FBXO40: variants seen among roughly 807,000 people sequenced by gnomAD.
FBXO40 encodes the protein F-box only protein 40.
A neutral mutation model predicts 49.9 loss-of-function variants in FBXO40; 50 were observed. The observed-to-expected ratio is 1.00, with a 90% CI of 0.80 to 1.27. The LOEUF (loss-of-function observed/expected upper bound fraction) is 1.27. FBXO40 is among the 50% of genes most tolerant of loss of function. The probability of loss-of-function intolerance (pLI) is 0.00; values close to 1 mark genes in which losing one functional copy is unlikely to be tolerated. For synonymous variants in FBXO40, 340 were observed against 320.2 expected, an observed-to-expected ratio of 1.06 and a Z score of -0.66; for missense variants, 895 against 870.1, an observed-to-expected ratio of 1.03 and a Z score of -0.36.
chr3:121,626,898 A>C lies in FBXO40; in HGVS notation c.2118A>C (p.Arg706Ser). 6.2e-7 allele frequency: 1 copy of C among 1,614,132 alleles called. No individual in the cohort carries two copies. Among genetic ancestry groups the C allele is most frequent in the South Asian group, 1.1e-5 (1 of 91,072 alleles). Residue 706 changes from arginine to serine, a missense_variant, in exon 4 of 4, where the codon AGA becomes AGC. Coordinates refer to ENST00000338040, the MANE Select transcript of FBXO40 (RefSeq NM_016298.4). Reference sequence around the variant, plus strand: ...CCTTTAGAATCAGACCACGAGGAAGATACGTCTCCTAAAAATTCAGATGCC... The same window carrying C: ...CCTTTAGAATCAGACCACGAGGAAGCTACGTCTCCTAAAAATTCAGATGCC... ...VSTFRIRPRG[R>S]YVS
chr3:121,614,007 G>C (rs921922687), intron 1 of FBXO40, among the ~76,000 whole-genome samples: 2 of 152,046 alleles, frequency 1.3e-5, no homozygotes, highest in African/African-American at 4.8e-5. Context: ...AGTGGCTCAT[G>C]TCTGTAATCC....
intron 3 of FBXO40, among the ~76,000 whole-genome samples, 166 bp downstream of exon 3, chr3:121,623,509 G>A (rs1560133290): frequency 6.6e-6 from 1 of 152,110 alleles, no homozygotes; most frequent in Non-Finnish European, 1.5e-5. Context: ...AAGTAGCTGG[G>A]ACTACAGATG....
rs562642694 is a variant in FBXO40, at chr3:121,610,668, C to T, written c.-30-9878C>T. 3.9e-5 allele frequency among the ~76,000 whole-genome samples: 6 copies of T among 152,184 alleles called. No individual in the cohort carries two copies. The South Asian group carries it at 1.2e-3, about 32-fold the overall frequency. ...GTTGTTTTTTTCCTCAAGACGGAGTCTTACTCTGTTGCCCAGGCTGGGGTG... is the reference window on the plus strand; with the variant it reads ...GTTGTTTTTTTCCTCAAGACGGAGTTTTACTCTGTTGCCCAGGCTGGGGTG... On this transcript the variant is annotated intron_variant, in intron 1 of 3. Transcript: ENST00000338040.
chr3:121,596,791 C>T (rs897653312), intron 1 of FBXO40, among the ~76,000 whole-genome samples: 3 of 152,096 alleles, frequency 2.0e-5, no homozygotes, highest in Non-Finnish European at 4.4e-5. Context: ...AAAAGCAGCC[C>T]CAATTAGCAT....
chr3:121,616,084 C>G (rs1007515854), intron 1 of FBXO40, among the ~76,000 whole-genome samples: 1 of 152,200 alleles, frequency 6.6e-6, no homozygotes, highest in South Asian at 2.1e-4. Context: ...GTCCAACCCT[C>G]TCAGCCACCC....
rs1455678551 is a variant in FBXO40, at chr3:121,628,962, C to T, written c.*2052C>T. The T allele has an allele frequency of 6.6e-6, 1 of 152,192 alleles. No homozygotes were observed. The highest frequency in any genetic ancestry group is 2.4e-5 in the African/African-American group (1 of 41,436). The allele number at this position is 152,192 out of a possible 1,614,324, so 9.4% of individuals were successfully genotyped here. ...CATTTTCCCAGCAGTCCTAGCAGTCCTCAAGCAAGTGGGAAATCGGAAAAG... is the reference window on the plus strand; with the variant it reads ...CATTTTCCCAGCAGTCCTAGCAGTCTTCAAGCAAGTGGGAAATCGGAAAAG... On this transcript the variant is annotated 3_prime_UTR_variant, in exon 4 of 4. Transcript: ENST00000338040.
chr3:121,607,819 A>G (rs995537745), intron 1 of FBXO40, among the ~76,000 whole-genome samples: 8 of 152,196 alleles, frequency 5.3e-5, no homozygotes, highest in Non-Finnish European at 2.9e-5. Flanking sequence ...TATTTTGGGC[A>G]TAGAGCTTTC....
chr3:121,626,619 C>T (rs964427378), intron 3 of FBXO40, 76 bp from the exon 4 acceptor site: 1 of 1,303,442 alleles, frequency 7.7e-7, no homozygotes, highest in Non-Finnish European at 1.1e-6. Context: ...AGGATATTTC[C>T]TTATAGTGCC....
chr3:121,622,133 C>T lies in FBXO40; in HGVS notation c.704C>T (p.Ser235Leu). 6.2e-7 allele frequency: 1 copy of T among 1,614,170 alleles called. No individual in the cohort carries two copies. The highest frequency in any genetic ancestry group is 8.5e-7 in the Non-Finnish European group (1 of 1,180,032). The change falls in exon 3 of 4, where the codon TCA (serine) becomes TTA (leucine). Residue 235 changes from serine to leucine, a missense_variant. Coordinates refer to ENST00000338040, the MANE Select transcript of FBXO40 (RefSeq NM_016298.4). ...GCAGCCTCTGCTTTAACAAATTCATCAGCGAGCTGTGAGAGCAAGAACAAG... is the reference window on the plus strand; with the variant it reads ...GCAGCCTCTGCTTTAACAAATTCATTAGCGAGCTGTGAGAGCAAGAACAAG... ...EHAASALTNSSASCESKNKND... is the reference protein window; with the variant it reads ...EHAASALTNSLASCESKNKND...
intron 1 of FBXO40, among the ~76,000 whole-genome samples, chr3:121,604,974 A>AT (rs1553838921): frequency 2.9e-4 from 38 of 133,022 alleles, no homozygotes; most frequent in African/African-American, 1.0e-3. Context: ...TTATTTATTT[A>AT]TTATTTATTT....
intron 1 of FBXO40, among the ~76,000 whole-genome samples, chr3:121,614,310 T>C (rs1576453483): frequency 7.0e-6 from 1 of 142,952 alleles, no homozygotes. Flanking sequence ...GGCGTGGTGG[T>C]GTGCACCTGT....
At position 121,622,749 on chromosome 3, in the gene FBXO40, T is replaced by G; in HGVS notation, c.1320T>G (p.Ser440=). ...TYNFEPEQFS[S]GTVLADLTAA... is the part of the protein sequence containing the mutation. The stretch of plus-strand genomic sequence containing the variant: ...ACTTTGAGCCAGAACAGTTTTCCTC[T>G]GGGACAGTGCTGGCTGACCTAACCG... The change falls in exon 3 of 4, where the codon TCT becomes TCG. Residue 440 remains serine, a synonymous_variant. Transcript: ENST00000338040. The G allele has an allele frequency of 6.2e-7, 1 of 1,614,216 alleles. No individual in the cohort carries two copies. Among genetic ancestry groups the G allele is most frequent in the Non-Finnish European group, 8.5e-7 (1 of 1,180,040 alleles).
intron 1 of FBXO40, among the ~76,000 whole-genome samples, chr3:121,613,108 G>A (rs2048976495): frequency 6.6e-6 from 1 of 151,130 alleles, no homozygotes; most frequent in Non-Finnish European, 1.5e-5. Flanking sequence ...AGCCCATCCA[G>A]TTTAAACCTT....
chr3:121,620,939 G>A (rs576394192), intron 2 of FBXO40, among the ~76,000 whole-genome samples: 16 of 152,308 alleles, frequency 1.1e-4, no homozygotes, highest in African/African-American at 3.6e-4. Context: ...AGACATGGCT[G>A]CTGTCCTCCC....
intron 1 of FBXO40, among the ~76,000 whole-genome samples, chr3:121,620,173 A>G (rs4676683): frequency 0.27 from 41,269 of 152,148 alleles, 5,837 homozygotes; most frequent in African/African-American, 0.3. Flanking sequence ...CCTAGGCCAG[A>G]TTGTGGGTAG....
At chr3:121,604,931 T>A (rs2048923220) in intron 1 of FBXO40, among the ~76,000 whole-genome samples, 1 of 135,038 alleles carries the variant, frequency 7.4e-6, no homozygotes, top group Admixed American at 8.6e-5. Context: ...GAAGGTTGGC[T>A]GGCTTTATTT....
intron 1 of FBXO40, among the ~76,000 whole-genome samples, chr3:121,616,384 T>G (rs908362713): frequency 6.6e-5 from 10 of 152,204 alleles, no homozygotes; most frequent in African/African-American, 2.4e-4. Context: ...CCAGCATCTG[T>G]AGCAGTGGAA....
intron 1 of FBXO40, among the ~76,000 whole-genome samples, chr3:121,608,331 C>T (rs1159399612): frequency 6.6e-6 from 1 of 152,192 alleles, no homozygotes; most frequent in African/African-American, 2.4e-5. Flanking sequence ...ATTAAAAAGG[C>T]ATGCTTGGAA....
At chr3:121,607,621 G>T (rs2048939367) in intron 1 of FBXO40, among the ~76,000 whole-genome samples, 1 of 151,850 alleles carries the variant, frequency 6.6e-6, no homozygotes, top group Admixed American at 6.6e-5. Context: ...GACCTCTAAA[G>T]CTCTTTTGGA....
Sources: gnomAD v4.1 joint callset for allele counts (sites outside exome capture counted in the v4.1 genomes callset) on GRCh38, gnomAD v4.1.1 for gene constraint, MANE v1.5 for transcripts, NCBI Gene and HGNC (gene_info 2026-07-23, HGNC 2026-07-21) for gene names.